The following ETFBKMT variants were observed in gnomAD, a reference collection of about 807,000 sequenced individuals.
ETFBKMT encodes electron transfer flavoprotein beta subunit lysine methyltransferase.
In ETFBKMT, 13 loss-of-function variants were observed where a neutral mutation model predicts 18.3. The ratio of observed to expected loss-of-function variants is 0.71; its 90% CI spans 0.46 to 1.13. ETFBKMT has a LOEUF of 1.13. Ranked by LOEUF, ETFBKMT falls within the 50% of genes most tolerant of loss-of-function variation. The pLI is 0.00. For missense variants in ETFBKMT, 293 were observed against 306.2 expected (o/e 0.96, Z 0.32); for synonymous variants, 84 against 107.9 (o/e 0.78, Z 1.37).
chr12:31,666,471 C>T (rs1951197790), intron 3 of ETFBKMT, among the ~76,000 whole-genome samples: 1 of 152,058 alleles, frequency 6.6e-6, no homozygotes, highest in African/African-American at 2.4e-5. Flanking sequence ...TAGGAATTTC[C>T]TGAAATATGT....
intron 3 of ETFBKMT, 152 bp from the exon 4 acceptor site, chr12:31,667,495 G>T (rs1248413301): frequency 8.2e-6 from 5 of 610,976 alleles, no homozygotes; most frequent in Non-Finnish European, 1.4e-5. Context: ...CTTATATTGG[G>T]ATAACCTTTA....
upstream of ETFBKMT, among the ~76,000 whole-genome samples, chr12:31,655,713 C>G (rs922103754): frequency 6.6e-6 from 1 of 152,226 alleles, no homozygotes; most frequent in African/African-American, 2.4e-5. Context: ...TCACGCCTAT[C>G]TCCCTTTTCC....
rs1951252082 is a variant in ETFBKMT at position 31,670,480 on chromosome 12, T to C, written c.*2490T>C. The C allele has an allele frequency of 6.6e-6, 1 of 152,310 alleles. No homozygotes were observed. Among genetic ancestry groups the C allele is most frequent in the Non-Finnish European group, 1.5e-5 (1 of 68,176 alleles). The allele number at this position is 152,310 out of a possible 1,614,324, so 9.4% of individuals were successfully genotyped here. Reference sequence around the variant, plus strand: ...GTTGTTGTTGGGTGTTTTGTTTTGTTTGTTTTTAGACAGGTCTTGCTCTCT... The same window carrying C: ...GTTGTTGTTGGGTGTTTTGTTTTGTCTGTTTTTAGACAGGTCTTGCTCTCT... On this transcript the variant is annotated 3_prime_UTR_variant, in exon 4 of 4. Coordinates refer to ENST00000357721, the MANE Select transcript of ETFBKMT (RefSeq NM_001135863.2).
intron 1 of ETFBKMT, among the ~76,000 whole-genome samples, chr12:31,651,665 C>T (rs539184462): frequency 4.1e-4 from 63 of 152,150 alleles, no homozygotes; most frequent in Middle Eastern, 3.4e-3. Context: ...GAAAATAACC[C>T]TTATCTCCAG....
At position 31,661,670 on chromosome 12, in the gene ETFBKMT, A is replaced by G. The variant is rs573019150; in HGVS notation, c.-113-171A>G. Reference sequence around the variant, plus strand: ...GAGACAGGGTTTCACCATGATGGCCACACTGGTCTTGAACACCTGACCTCG... The same window carrying G: ...GAGACAGGGTTTCACCATGATGGCCGCACTGGTCTTGAACACCTGACCTCG... On this transcript the variant is annotated intron_variant, in intron 1 of 3. Coordinates refer to ENST00000357721, the MANE Select transcript of ETFBKMT (RefSeq NM_001135863.2). Among the ~76,000 whole-genome samples, 300 of 152,250 alleles carry G rather than the reference A, an allele frequency of 2.0e-3. 1 individual carries two copies. The highest frequency in any genetic ancestry group is 7.0e-3 in the African/African-American group (289 of 41,554).
In ETFBKMT at chr12:31,672,355, C is replaced by A; in HGVS notation, c.*4365C>A. 1 of 1,576,762 alleles carries A rather than the reference C, an allele frequency of 6.3e-7. No individual in the cohort carries two copies. Among genetic ancestry groups the A allele is most frequent in the Non-Finnish European group, 8.6e-7 (1 of 1,159,136 alleles). On this transcript the variant is annotated 3_prime_UTR_variant, in exon 4 of 4. Coordinates refer to ENST00000357721, the MANE Select transcript of ETFBKMT (RefSeq NM_001135863.2). Reference sequence around the variant, plus strand: ...TTAGTTTGTTTGGGCCTACTAATTGCTCCAACACTTCTCGGGAATGATCTA... The same window carrying A: ...TTAGTTTGTTTGGGCCTACTAATTGATCCAACACTTCTCGGGAATGATCTA...
upstream of ETFBKMT, among the ~76,000 whole-genome samples, chr12:31,655,562 C>T (rs1376911449): frequency 6.6e-6 from 1 of 152,162 alleles, no homozygotes; most frequent in African/African-American, 2.4e-5. Flanking sequence ...AGATGACATC[C>T]ATTATTCTTC....
chr12:31,664,978 C>G (rs1951175744), intron 2 of ETFBKMT, among the ~76,000 whole-genome samples: 1 of 148,498 alleles, frequency 6.7e-6, no homozygotes. Context: ...ACTCTGTCAC[C>G]CAGGCTGGAG....
chr12:31,670,984 CAG>C lies in ETFBKMT; in HGVS notation c.*2997_*2998del, dbSNP rs1037892562. ...CTGGATGGGGTACAGATATTTTAAA[CAG>C]AGTGGTGAGAAATAGTTAATACAGC... is the stretch of plus-strand genomic sequence containing the variant. On this transcript the variant is annotated 3_prime_UTR_variant, in exon 4 of 4. Coordinates refer to ENST00000357721, the MANE Select transcript of ETFBKMT (RefSeq NM_001135863.2). 3.9e-5 allele frequency: 6 copies of C among 152,062 alleles called. No individual in the cohort carries two copies. The highest frequency in any genetic ancestry group is 1.2e-4 in the African/African-American group (5 of 41,386). 9.4% of individuals were successfully genotyped at this position (152,062 alleles called of 1,614,324 possible). A position where few individuals can be genotyped will look rare whatever the true frequency, so the allele number is the denominator to read the frequency against.
At chr12:31,661,602 G>T (rs1951124813) in intron 1 of ETFBKMT, among the ~76,000 whole-genome samples, 2 of 152,010 alleles carry the variant, frequency 1.3e-5, no homozygotes, top group South Asian at 2.1e-4. Context: ...TGAGATTACA[G>T]GTACCCGCCA....
rs1295384953 is a variant in ETFBKMT at position 31,671,394 on chromosome 12, T to C, written c.*3404T>C. 1 of 152,080 alleles carries C rather than the reference T, an allele frequency of 6.6e-6. No homozygotes were observed. The highest frequency in any genetic ancestry group is 2.4e-5 in the African/African-American group (1 of 41,402). 9.4% of individuals were successfully genotyped at this position (152,080 alleles called of 1,614,324 possible). ...GTTTTTCACTACATCAGAGGCAAAA[T>C]AAGAAATCTTTTAAGAAAATCTCAA... is the stretch of plus-strand genomic sequence containing the variant. On this transcript the variant is annotated 3_prime_UTR_variant, in exon 4 of 4. Coordinates refer to ENST00000357721, the MANE Select transcript of ETFBKMT (RefSeq NM_001135863.2).
chr12:31,659,878 G>A (rs991544823), intron 1 of ETFBKMT, 89 bp downstream of exon 1: 2 of 152,168 alleles, frequency 1.3e-5, no homozygotes, highest in Non-Finnish European at 2.9e-5. Context: ...GCCGGGCGTG[G>A]TGGCTCGCGC....
At chr12:31,650,629 T>TC (rs1318363828) in intron 1 of ETFBKMT, among the ~76,000 whole-genome samples, 1 of 143,530 alleles carries the variant, frequency 7.0e-6, no homozygotes, top group Admixed American at 6.9e-5. Flanking sequence ...GACCTGACCT[T>TC]TTTTTTTTTT....
At chr12:31,649,619 AAAC>A (rs1950997834) in intron 1 of ETFBKMT, among the ~76,000 whole-genome samples, 1 of 152,132 alleles carries the variant, frequency 6.6e-6, no homozygotes, top group Non-Finnish European at 1.5e-5. Context: ...GTAATGGCCA[AAAC>A]AACAATTACT....
intron 1 of ETFBKMT, 124 bp from the exon 2 acceptor site, chr12:31,661,717 C>A: frequency 2.3e-6 from 1 of 431,598 alleles, no homozygotes; most frequent in Non-Finnish European, 4.2e-6. Flanking sequence ...CCTTGGCCTC[C>A]CAAAGTGCAG....
At position 31,670,502 on chromosome 12, in the gene ETFBKMT, C is replaced by T. The variant is rs966313892; in HGVS notation, c.*2512C>T. 4.6e-5 allele frequency: 7 copies of T among 152,174 alleles called. No homozygotes were observed. The allele number at this position is 152,174 out of a possible 1,614,324, so 9.4% of individuals were successfully genotyped here. A position where few individuals can be genotyped will look rare whatever the true frequency, so the allele number is the denominator to read the frequency against. Reference sequence around the variant, plus strand: ...TGTTTGTTTTTAGACAGGTCTTGCTCTCTCATCCAGGCTGGAGTTCAGCAA... The same window carrying T: ...TGTTTGTTTTTAGACAGGTCTTGCTTTCTCATCCAGGCTGGAGTTCAGCAA... On this transcript the variant is annotated 3_prime_UTR_variant, in exon 4 of 4. Transcript: ENST00000357721.
upstream of ETFBKMT, among the ~76,000 whole-genome samples, chr12:31,657,977 G>C (rs1216314616): frequency 1.3e-5 from 2 of 152,090 alleles, no homozygotes; most frequent in Non-Finnish European, 2.9e-5. Flanking sequence ...CTTCAGCCAA[G>C]TTGCAAGTTT....
At chr12:31,666,251 A>C (rs1185443566) in intron 3 of ETFBKMT, 34 bp downstream of exon 3, 2 of 1,581,576 alleles carry the variant, frequency 1.3e-6, no homozygotes, top group South Asian at 1.2e-5. Context: ...TTTAAGGCTC[A>C]TCTTTTTTTT....
chr12:31,661,875 C>T lies in ETFBKMT; in HGVS notation c.-79C>T. ...TTCCGGTTGAGATCAAGTTGGGAGA[C>T]ACACCCTTGTTCATTCTCCTTGAGA... On this transcript the variant is annotated 5_prime_UTR_variant, in exon 2 of 4. Transcript: ENST00000357721. The T allele has an allele frequency of 7.5e-7, 1 of 1,328,294 alleles. No individual in the cohort carries two copies. Among genetic ancestry groups the T allele is most frequent in the Non-Finnish European group, 1.1e-6 (1 of 950,378 alleles). 82.3% of individuals were successfully genotyped at this position (1,328,294 alleles called of 1,614,324 possible).
Sources: allele counts gnomAD v4.1 joint callset (sites outside exome capture counted in the v4.1 genomes callset), GRCh38; gene constraint gnomAD v4.1.1; transcripts MANE v1.5; gene names NCBI Gene and HGNC (gene_info 2026-07-23, HGNC 2026-07-21).